The following CSMD1 variants were observed in gnomAD, a reference collection of about 807,000 sequenced individuals.
CSMD1 encodes CUB and sushi domain-containing protein 1.
Under a neutral mutation model 417.5 loss-of-function variants are expected in CSMD1, and 213 were observed. The observed-to-expected ratio is 0.51, with a 90% CI of 0.46 to 0.57. CSMD1 has a LOEUF of 0.57. Ranked by LOEUF, CSMD1 falls within the 20% of genes least tolerant of loss-of-function variation. The pLI is 0.00. For missense variants in CSMD1, 6,923 were observed against 4,529.7 expected (o/e 1.53, Z -15.17); for synonymous variants, 2,862 against 1,736.8 (o/e 1.65, Z -16.11).
chr8:4,052,499 G>A (rs72624072), intron 3 of CSMD1, among the ~76,000 whole-genome samples: 17,494 of 152,080 alleles, frequency 0.12, 1,534 homozygotes, highest in East Asian at 0.35. Context: ...GAGTGCAGTG[G>A]GAGATCAGCA....
rs1803043709 is a variant in CSMD1, at chr8:4,639,235, G to A, written c.86-1677C>T. ...AAGCTCTCCGTGCCATGCTAATTTG[G>A]TCCCTGTGGTTGTCAATTTTTTTTT... is the stretch of plus-strand genomic sequence containing the variant. On this transcript the variant is annotated intron_variant, in intron 1 of 69. Coordinates refer to ENST00000635120, the MANE Select transcript of CSMD1 (RefSeq NM_033225.6). Among the ~76,000 whole-genome samples, 3 of 146,234 alleles carry A rather than the reference G, an allele frequency of 2.1e-5. No individual in the cohort carries two copies. In the South Asian group the frequency reaches 6.5e-4, roughly 32 times the overall value.
Position 2,978,805 on chromosome 8 carries a change from A to G in CSMD1, c.8378-5T>C, listed in dbSNP as rs567935157. On this transcript the variant is annotated splice_polypyrimidine_tract_variant and splice_region_variant and intron_variant, in intron 54 of 69. Coordinates refer to ENST00000635120, the MANE Select transcript of CSMD1 (RefSeq NM_033225.6). ...CTGGATCAGAACAGTTCACCACTAG[A>G]AAATAAAACATTTCACACACCATTT... The G allele has an allele frequency of 2.5e-5, 39 of 1,589,676 alleles. No individual in the cohort carries two copies. In the South Asian group the frequency reaches 4.1e-4, roughly 17 times the overall value.
intron 10 of CSMD1, among the ~76,000 whole-genome samples, chr8:3,501,566 T>C (rs970253791): frequency 1.3e-5 from 2 of 152,136 alleles, no homozygotes; most frequent in Admixed American, 1.3e-4. Context: ...TTGAAATTAA[T>C]GGGTTAGAAA....
chr8:4,327,793 T>G (rs564642185), intron 3 of CSMD1, among the ~76,000 whole-genome samples: 1 of 152,356 alleles, frequency 6.6e-6, no homozygotes, highest in Admixed American at 6.5e-5. Context: ...AAATGTAACT[T>G]TTCTTGCTAA....
At chr8:4,043,568 T>C (rs998403562) in intron 3 of CSMD1, among the ~76,000 whole-genome samples, 2 of 152,192 alleles carry the variant, frequency 1.3e-5, no homozygotes, top group African/African-American at 2.4e-5. Flanking sequence ...TGTGCTGCTG[T>C]CTGGCCGCCT....
At chr8:3,308,698 T>C (rs1228546281) in intron 23 of CSMD1, among the ~76,000 whole-genome samples, 195 bp from the exon 24 acceptor site, 1 of 150,596 alleles carries the variant, frequency 6.6e-6, no homozygotes, top group Non-Finnish European at 1.5e-5. Context: ...TTTCTTGAAG[T>C]TCGGTCATCT....
intron 3 of CSMD1, among the ~76,000 whole-genome samples, chr8:4,147,617 G>A (rs577587932): frequency 1.3e-5 from 2 of 152,252 alleles, no homozygotes; most frequent in East Asian, 3.9e-4. Flanking sequence ...AATGCAGCTG[G>A]ACATGTGGCA....
chr8:4,670,080 C>T (rs1805199575), intron 1 of CSMD1, among the ~76,000 whole-genome samples: 1 of 152,148 alleles, frequency 6.6e-6, no homozygotes, highest in Non-Finnish European at 1.5e-5. Context: ...TGGTTTGGTG[C>T]CCCCACGTCC....
chr8:4,451,796 C>A (rs1011463314), intron 2 of CSMD1, among the ~76,000 whole-genome samples: 1 of 151,964 alleles, frequency 6.6e-6, no homozygotes, highest in Non-Finnish European at 1.5e-5. Context: ...ATCCACAATG[C>A]CATCTTAAAG....
At chr8:4,391,053 A>C (rs1803816366) in intron 3 of CSMD1, among the ~76,000 whole-genome samples, 1 of 152,220 alleles carries the variant, frequency 6.6e-6, no homozygotes, top group Admixed American at 6.5e-5. Context: ...TTTAAACCCC[A>C]GAGCACTAGG....
In CSMD1 at chr8:3,000,150, T is replaced by G; in HGVS notation, c.8030-19A>C. 6.6e-7 allele frequency: 1 copy of G among 1,509,838 alleles called. No individual in the cohort carries two copies. The highest frequency in any genetic ancestry group is 8.9e-7 in the Non-Finnish European group (1 of 1,119,160). The allele number at this position is 1,509,838 out of a possible 1,614,324, so 93.5% of individuals were successfully genotyped here. A position where few individuals can be genotyped will look rare whatever the true frequency, so the allele number is the denominator to read the frequency against. ...TGGCCAGCTAAAAATGTTAAACCAA[T>G]TTTAAAATTTAGAGTGTCTGTCATT... On this transcript the variant is annotated intron_variant, in intron 52 of 69. Transcript: ENST00000635120.
At chr8:3,524,988 T>C (rs1797695273) in intron 10 of CSMD1, among the ~76,000 whole-genome samples, 1 of 152,106 alleles carries the variant, frequency 6.6e-6, no homozygotes. Flanking sequence ...CCAGGAAAAA[T>C]GATAATGTAT....
intron 2 of CSMD1, among the ~76,000 whole-genome samples, chr8:4,570,842 G>C (rs980897568): frequency 6.6e-6 from 1 of 152,152 alleles, no homozygotes; most frequent in Non-Finnish European, 1.5e-5. Flanking sequence ...TCTATTTCGG[G>C]ATTCGGCTTC....
chr8:3,384,059 G>A (rs916942293), intron 18 of CSMD1, among the ~76,000 whole-genome samples: 13 of 152,056 alleles, frequency 8.5e-5, no homozygotes, highest in African/African-American at 2.7e-4. Context: ...GTGACTGGGC[G>A]AGGCTGTGAA....
At position 4,478,490 on chromosome 8, in the gene CSMD1, C is replaced by A. The variant is rs532946699; in HGVS notation, c.303-58425G>T. Among the ~76,000 whole-genome samples the A allele has an allele frequency of 9.6e-3, 1,458 of 151,864 alleles. 15 individuals carry two copies. The highest frequency in any genetic ancestry group is 0.013 in the Non-Finnish European group (906 of 67,976). Reference sequence around the variant, plus strand: ...TAGTTTCTTCATTAGCTTTCCCCCCCAAAAAAACTGAAAGTAGATGTATAA... The same window carrying A: ...TAGTTTCTTCATTAGCTTTCCCCCCAAAAAAAACTGAAAGTAGATGTATAA... On this transcript the variant is annotated intron_variant, in intron 2 of 69. Coordinates refer to ENST00000635120, the MANE Select transcript of CSMD1 (RefSeq NM_033225.6).
At chr8:3,805,238 A>G (rs757123856) in intron 5 of CSMD1, among the ~76,000 whole-genome samples, 4 of 152,280 alleles carry the variant, frequency 2.6e-5, no homozygotes, top group East Asian at 3.9e-4. Context: ...CCAGCATCAC[A>G]AGGGAACCAA....
chr8:3,888,979 T>G (rs1346709099), intron 5 of CSMD1, among the ~76,000 whole-genome samples: 2 of 152,200 alleles, frequency 1.3e-5, no homozygotes, highest in African/African-American at 4.8e-5. Context: ...AGAAACTTTA[T>G]CCTTTATGAC....
At chr8:3,492,575 G>T (rs984178389) in intron 11 of CSMD1, among the ~76,000 whole-genome samples, 1 of 152,228 alleles carries the variant, frequency 6.6e-6, no homozygotes, top group Non-Finnish European at 1.5e-5. Context: ...AAAACAGAGA[G>T]GAAGTACACC....
At chr8:3,758,757 T>C (rs745602123) in intron 5 of CSMD1, among the ~76,000 whole-genome samples, 9 of 152,212 alleles carry the variant, frequency 5.9e-5, no homozygotes, top group Non-Finnish European at 1.3e-4. Context: ...TCCTGCTCTC[T>C]GGAGACTGTC....
Sources: allele counts gnomAD v4.1 joint callset (sites outside exome capture counted in the v4.1 genomes callset), GRCh38; gene constraint gnomAD v4.1.1; transcripts MANE v1.5; gene names NCBI Gene and HGNC (gene_info 2026-07-23, HGNC 2026-07-21).